The following HTT variants were observed in gnomAD, a reference collection of about 807,000 sequenced individuals.
HTT encodes huntington disease protein.
Under a neutral mutation model 362.3 loss-of-function variants are expected in HTT, and 104 were observed. The ratio of observed to expected loss-of-function variants is 0.29; its 90% CI spans 0.24 to 0.34. The LOEUF (loss-of-function observed/expected upper bound fraction) is 0.34. Ranked by LOEUF, HTT falls within the 10% of genes least tolerant of loss-of-function variation. HTT has a pLI of 1.00. For synonymous variants in HTT, 1,577 were observed against 1,548.7 expected, an observed-to-expected ratio of 1.02 and a Z score of -0.43; for missense variants, 3,301 against 3,928.6, an observed-to-expected ratio of 0.84 and a Z score of 4.27.
rs1451304585 is a variant in HTT, at chr4:3,225,753, G to A, written c.7848+10G>A. 1.7e-5 allele frequency: 27 copies of A among 1,609,636 alleles called. No homozygotes were observed. Among genetic ancestry groups the A allele is most frequent in the East Asian group, 2.2e-5 (1 of 44,680 alleles). ...CTACAAACTCGGCCAGGTCAGTCTC[G>A]CGCCCCCGCCGCCTGGCCTCTGTCC... On this transcript the variant is annotated intron_variant, in intron 57 of 66. Transcript: ENST00000355072.
intron 6 of HTT, among the ~76,000 whole-genome samples, chr4:3,113,719 A>G (rs28652828): frequency 0.057 from 8,673 of 152,210 alleles, 423 homozygotes; most frequent in African/African-American, 0.13. Context: ...GTGTTTTCTC[A>G]GGGAGAAATT....
chr4:3,228,970 G>A lies in HTT; in HGVS notation c.8070G>A (p.Arg2690=). The A allele has an allele frequency of 6.2e-7, 1 of 1,613,738 alleles. No homozygotes were observed. The highest frequency in any genetic ancestry group is 8.5e-7 in the Non-Finnish European group (1 of 1,179,790). Residue 2690 remains arginine, a synonymous_variant, in exon 59 of 67, where the codon AGG becomes AGA. Transcript: ENST00000355072. This position sits in a 1 kb window ranked among gnomAD's most constrained non-coding sequence, Gnocchi z 4.3. ...SRWILPSSSA[R]RTPAILISEV... ...GGATCCTGCCGTCCAGCTCAGCCAG[G>A]AGGACCCCGGCCATCCTGATCAGTG...
chr4:3,130,044 A>G lies in HTT; in HGVS notation c.1864A>G (p.Met622Val). Residue 622 changes from methionine to valine, a missense_variant, in exon 13 of 67, where the codon ATG becomes GTG. Around this residue, in one of 4 missense-constraint regions of HTT, gnomAD observed 2,316 missense variants for 2,658.5 expected, o/e 0.87. Coordinates refer to ENST00000355072, the MANE Select transcript of HTT (RefSeq NM_001388492.1). ...CTCGGAGGCCTTCAGGAACTCTTCC[A>G]TGGGTATGTGGACTACAGGTGATGC... is the stretch of plus-strand genomic sequence containing the variant. ...EASEAFRNSSMALQQAHLLKN... is the reference protein window; with the variant it reads ...EASEAFRNSSVALQQAHLLKN... 1 of 1,608,462 alleles carries G rather than the reference A, an allele frequency of 6.2e-7. No homozygotes were observed. The highest frequency in any genetic ancestry group is 8.5e-7 in the Non-Finnish European group (1 of 1,177,352).
Position 3,229,881 on chromosome 4 carries a change from C to G in HTT, c.8110-6C>G, listed in dbSNP as rs567859920. 6.2e-7 allele frequency: 1 copy of G among 1,614,004 alleles called. No homozygotes were observed. The highest frequency in any genetic ancestry group is 8.5e-7 in the Non-Finnish European group (1 of 1,179,868). On this transcript the variant is annotated splice_polypyrimidine_tract_variant and splice_region_variant and intron_variant, in intron 59 of 66. Coordinates refer to ENST00000355072, the MANE Select transcript of HTT (RefSeq NM_001388492.1). Reference sequence around the variant, plus strand: ...CCCTTGCCCTCCTGGTTTTCCACATCTCCAGCTTCTAGTGGTCTCAGACTT... The same window carrying G: ...CCCTTGCCCTCCTGGTTTTCCACATGTCCAGCTTCTAGTGGTCTCAGACTT...
chr4:3,125,221 C>A (rs1333472777), intron 10 of HTT, among the ~76,000 whole-genome samples: 2 of 151,980 alleles, frequency 1.3e-5, no homozygotes. Context: ...TTATAACTTA[C>A]CATTTTTAAG....
At chr4:3,222,900 A>G (rs1292727791) in intron 54 of HTT, among the ~76,000 whole-genome samples, 4 of 152,212 alleles carry the variant, frequency 2.6e-5, no homozygotes, top group South Asian at 2.1e-4. Flanking sequence ...GTTCACGTAC[A>G]TTACGCTAAC....
At chr4:3,146,200 G>A (rs1427964581) in intron 24 of HTT, among the ~76,000 whole-genome samples, 3 of 152,184 alleles carry the variant, frequency 2.0e-5, no homozygotes, top group African/African-American at 7.2e-5. Context: ...GGTGGTTGGA[G>A]TTCAATGCTT....
chr4:3,197,495 G>C (rs1467469818), intron 40 of HTT, among the ~76,000 whole-genome samples: 1 of 152,050 alleles, frequency 6.6e-6, no homozygotes, highest in African/African-American at 2.4e-5. Context: ...TCTACTAGGA[G>C]GTGGCCCTCA....
At chr4:3,095,412 G>A (rs1011025156) in intron 2 of HTT, among the ~76,000 whole-genome samples, 1 of 152,242 alleles carries the variant, frequency 6.6e-6, no homozygotes, top group African/African-American at 2.4e-5. Flanking sequence ...TGCAATCCCA[G>A]GCACTTGGCA....
At chr4:3,191,910 C>G (rs1719028821) in intron 40 of HTT, among the ~76,000 whole-genome samples, 1 of 152,126 alleles carries the variant, frequency 6.6e-6, no homozygotes, top group African/African-American at 2.4e-5. Context: ...GATAAAACCC[C>G]AGTTTAAACT....
chr4:3,220,566 A>T (rs939542707), intron 53 of HTT, among the ~76,000 whole-genome samples: 23 of 152,160 alleles, frequency 1.5e-4, no homozygotes, highest in African/African-American at 5.1e-4. Flanking sequence ...GGAAAGGTTC[A>T]TGTGTAGTGG....
chr4:3,108,651 A>G (rs17780617), intron 6 of HTT, among the ~76,000 whole-genome samples: 4,682 of 152,256 alleles, frequency 0.031, 96 homozygotes, highest in Middle Eastern at 0.054. Flanking sequence ...TGATGCTAAC[A>G]CTTTGTTGAA....
intron 9 of HTT, among the ~76,000 whole-genome samples, chr4:3,122,051 A>T (rs1462577022): frequency 3.3e-5 from 5 of 152,204 alleles, no homozygotes; most frequent in African/African-American, 1.2e-4. Flanking sequence ...ATTTGCCAGA[A>T]ATGGCATCTT....
chr4:3,193,942 GTA>G (rs767095713), intron 40 of HTT, among the ~76,000 whole-genome samples: 1 of 152,068 alleles, frequency 6.6e-6, no homozygotes, highest in Non-Finnish European at 1.5e-5. Context: ...GTGTGTGTGT[GTA>G]TATATAAATG....
At position 3,229,007 on chromosome 4, in the gene HTT, T is replaced by G; in HGVS notation, c.8107T>G (p.Ser2703Ala). The change falls in exon 59 of 67, where the codon TCC becomes GCC. Residue 2703 changes from serine to alanine, a missense_variant and splice_region_variant. Physicochemically the swap from Ser to Ala is moderately conservative, Grantham distance 99 (BLOSUM62 1). Around this residue, in one of 4 missense-constraint regions of HTT, gnomAD observed 753 missense variants for 1,021.3 expected, o/e 0.74. Coordinates refer to ENST00000355072, the MANE Select transcript of HTT (RefSeq NM_001388492.1). Reference sequence around the variant, plus strand: ...CATCCTGATCAGTGAGGTGGTCAGATCCGTAAGTGAGCCTTCCCATTCCCC... The same window carrying G: ...CATCCTGATCAGTGAGGTGGTCAGAGCCGTAAGTGAGCCTTCCCATTCCCC... The part of the protein sequence containing the change: ...PAILISEVVR[S>A]LLVVSDLFTE... 1 of 1,611,620 alleles carries G rather than the reference T, an allele frequency of 6.2e-7. No homozygotes were observed. Among genetic ancestry groups the G allele is most frequent in the Non-Finnish European group, 8.5e-7 (1 of 1,178,146 alleles).
chr4:3,142,040 A>G (rs3025849), intron 22 of HTT, among the ~76,000 whole-genome samples: 11,168 of 152,288 alleles, frequency 0.073, 564 homozygotes, highest in African/African-American at 0.15. Flanking sequence ...ATTAAAATTG[A>G]TTACTAACTA....
Position 3,125,568 on chromosome 4 carries a change from A to C in HTT, c.1341A>C (p.Glu447Asp). ...TACTAGGCAAAGTGCTCTTAGGAGA[A>C]GAAGAAGCCTTGGAGGATGACTCTG... ...RKQKGKVLLG[E>D]EEALEDDSES... is the part of the protein sequence containing the mutation. Residue 447 changes from glutamate to aspartate, a missense_variant, in exon 11 of 67, where the codon GAA (glutamate) becomes GAC (aspartate). By Grantham distance (45) the Glu-to-Asp change is conservative. Coordinates refer to ENST00000355072, the MANE Select transcript of HTT (RefSeq NM_001388492.1). 5 of 1,613,678 alleles carry C rather than the reference A, an allele frequency of 3.1e-6. No homozygotes were observed. The highest frequency in any genetic ancestry group is 4.2e-6 in the Non-Finnish European group (5 of 1,179,560).
chr4:3,235,492 TGGTC>T, intron 62 of HTT, 69 bp from the exon 63 acceptor site: 2 of 1,543,120 alleles, frequency 1.3e-6, no homozygotes, highest in Non-Finnish European at 1.8e-6. Flanking sequence ...AGTTTTGACT[TGGTC>T]GGGAGGAGGC....
In HTT at chr4:3,235,679, G is replaced by A. The variant is rs369089042; in HGVS notation, c.8686G>A (p.Ala2896Thr). ...CTCTGAGCAGCTCTCCCGCCTGGAT[G>A]CAGAATCGCTGGTCAAGCTGAGTGT... ...LLSEQLSRLD[A>T]ESLVKLSVDR... is the part of the protein sequence containing the mutation. The change falls in exon 63 of 67, where the codon GCA (alanine) becomes ACA (threonine). Residue 2896 changes from alanine to threonine, a missense_variant. Ala to Thr is a moderately conservative substitution (Grantham distance 58). Around this residue, in one of 4 missense-constraint regions of HTT, gnomAD observed 753 missense variants for 1,021.3 expected, o/e 0.74. Coordinates refer to ENST00000355072, the MANE Select transcript of HTT (RefSeq NM_001388492.1). 8 of 1,613,520 alleles carry A rather than the reference G, an allele frequency of 5.0e-6. No homozygotes were observed. Among genetic ancestry groups the A allele is most frequent in the South Asian group, 1.1e-5 (1 of 91,092 alleles).
Sources: gnomAD v4.1 joint callset for allele counts (sites outside exome capture counted in the v4.1 genomes callset) on GRCh38, gnomAD v4.1.1 for gene constraint, gnomAD v4.1.1 regional missense constraint, Gnocchi (gnomAD v3.1) non-coding constraint, MANE v1.5 for transcripts, NCBI Gene and HGNC (gene_info 2026-07-23, HGNC 2026-07-21) for gene names.